ANKHD1: variants seen among roughly 807,000 people sequenced by gnomAD.
ANKHD1 encodes the protein ankyrin repeat and KH domain-containing protein 1.
A neutral mutation model predicts 230.5 loss-of-function variants in ANKHD1; 31 were observed. The ratio of observed to expected loss-of-function variants is 0.13; its 90% CI spans 0.10 to 0.18. The LOEUF (loss-of-function observed/expected upper bound fraction) is 0.18, where lower values mean the gene tolerates loss of function less well. ANKHD1 is among the 10% of genes least tolerant of loss of function. The pLI, the probability that ANKHD1 is intolerant of heterozygous loss-of-function variation, is 1.00. For missense variants in ANKHD1, 2,256 were observed against 3,071.3 expected (o/e 0.73, Z 6.27); for synonymous variants, 1,074 against 1,117.6 (o/e 0.96, Z 0.78).
intron 1 of ANKHD1, among the ~76,000 whole-genome samples, chr5:140,407,174 A>G (rs1365403369): frequency 6.6e-6 from 1 of 151,572 alleles, no homozygotes; most frequent in Non-Finnish European, 1.5e-5. Flanking sequence ...CGCACCTGCA[A>G]TCTCAGCCTA....
intron 10 of ANKHD1, among the ~76,000 whole-genome samples, chr5:140,480,132 GAC>G (rs202147488): frequency 2.8e-3 from 426 of 152,016 alleles, no homozygotes; most frequent in African/African-American, 9.5e-3. Flanking sequence ...TTCATTTTAA[GAC>G]ACAAAATGTT....
At chr5:140,516,728 G>C (rs1335369787) in intron 24 of ANKHD1, among the ~76,000 whole-genome samples, 2 of 151,682 alleles carry the variant, frequency 1.3e-5, no homozygotes, top group South Asian at 2.1e-4. Flanking sequence ...ACTTTACAGA[G>C]AAGCAAATGC....
intron 10 of ANKHD1, among the ~76,000 whole-genome samples, chr5:140,472,884 G>T (rs908134760): frequency 6.6e-6 from 1 of 152,046 alleles, no homozygotes; most frequent in African/African-American, 2.4e-5. Context: ...GTGTGAATTT[G>T]TGCCCAGTGG....
Position 140,453,093 on chromosome 5 carries a change from C to A in ANKHD1, c.1242+3788C>A, listed in dbSNP as rs918071372. ...AATGCACAAGCCTCAGTAGCCGATT[C>A]GATCAACTGGAAGAAAGGGTATCAG... On this transcript the variant is annotated intron_variant, in intron 7 of 33. Transcript: ENST00000360839. Among the ~76,000 whole-genome samples, 8 of 152,140 alleles carry A rather than the reference C, an allele frequency of 5.3e-5. No homozygotes were observed. The East Asian group carries it at 1.5e-3, about 29-fold the overall frequency.
At chr5:140,471,439 G>A (rs1561773101) in intron 10 of ANKHD1, among the ~76,000 whole-genome samples, 1 of 152,166 alleles carries the variant, frequency 6.6e-6, no homozygotes, top group African/African-American at 2.4e-5. Context: ...ATAGGGGTAA[G>A]GTGGCAGGGA....
chr5:140,448,022 C>A lies in ANKHD1; in HGVS notation c.1148-1189C>A, dbSNP rs535678072. Among the ~76,000 whole-genome samples the A allele has an allele frequency of 1.9e-4, 29 of 152,258 alleles. 1 individual carries two copies. Among genetic ancestry groups the A allele is most frequent in the Non-Finnish European group, 3.7e-4 (25 of 68,016 alleles). On this transcript the variant is annotated intron_variant, in intron 6 of 33. Transcript: ENST00000360839. ...AGAATGCTGGGTGCAGTAACTCACA[C>A]CTATAATCCCAGCATTTTGGGAGGC...
At chr5:140,444,817 C>G (rs191068197) in intron 5 of ANKHD1, among the ~76,000 whole-genome samples, 1 of 152,256 alleles carries the variant, frequency 6.6e-6, no homozygotes, top group East Asian at 1.9e-4. Context: ...TTGGAGTCCC[C>G]TCAGTTATTC....
rs542858619 is a variant in ANKHD1 at position 140,529,353 on chromosome 5, G to A, written c.6407G>A (p.Arg2136Gln). The A allele has an allele frequency of 1.9e-5, 31 of 1,614,016 alleles. No individual in the cohort carries two copies. Among genetic ancestry groups the A allele is most frequent in the Middle Eastern group, 3.3e-4 (2 of 6,084 alleles). ...GTACCAGCACCTCGAGTTTCTCATCGAATGCAGCCCAGAGGTTCTTTTTAC... is the reference window on the plus strand; with the variant it reads ...GTACCAGCACCTCGAGTTTCTCATCAAATGCAGCCCAGAGGTTCTTTTTAC... ...LAVPAPRVSH[R>Q]MQPRGSFYSM... The change falls in exon 29 of 34, where the codon CGA becomes CAA. Residue 2136 changes from arginine (R) to glutamine (Q), a missense_variant. Around this residue, in one of 13 missense-constraint regions of ANKHD1, gnomAD observed 778 missense variants for 966.5 expected, o/e 0.80. Coordinates refer to ENST00000360839, the MANE Select transcript of ANKHD1 (RefSeq NM_017747.3).
chr5:140,438,881 T>A (rs950522057), intron 3 of ANKHD1, among the ~76,000 whole-genome samples: 2 of 152,242 alleles, frequency 1.3e-5, no homozygotes, highest in African/African-American at 4.8e-5. Context: ...CTGAATAAGA[T>A]CTGTTTTCCA....
intron 1 of ANKHD1, among the ~76,000 whole-genome samples, chr5:140,430,850 A>G (rs775890062): frequency 4.6e-5 from 7 of 151,970 alleles, no homozygotes; most frequent in African/African-American, 1.5e-4. Context: ...TTTTTCGTAG[A>G]GACAAGGTCT....
intron 2 of ANKHD1, among the ~76,000 whole-genome samples, chr5:140,438,022 G>T (rs1773580045): frequency 6.6e-6 from 1 of 152,140 alleles, no homozygotes; most frequent in Non-Finnish European, 1.5e-5. Flanking sequence ...CCAGAAGATG[G>T]TTGTGACCAA....
chr5:140,478,995 T>TTTAATTTA (rs146941318), intron 10 of ANKHD1, among the ~76,000 whole-genome samples: 43 of 146,442 alleles, frequency 2.9e-4, no homozygotes, highest in Admixed American at 7.5e-4. Context: ...TTTTTTTAAT[T>TTTAATTTA]TTTATTTATT....
rs1205726942 is a variant in ANKHD1 at position 140,470,092 on chromosome 5, C to T, written c.1782+5316C>T. ...TTCTTTCCCCTCAAAATTTTAAACCCACTATATTAGTGTCTTCTGGTACTG... is the reference window on the plus strand; with the variant it reads ...TTCTTTCCCCTCAAAATTTTAAACCTACTATATTAGTGTCTTCTGGTACTG... On this transcript the variant is annotated intron_variant, in intron 10 of 33. Coordinates refer to ENST00000360839, the MANE Select transcript of ANKHD1 (RefSeq NM_017747.3). Among the ~76,000 whole-genome samples, 51 of 152,066 alleles carry T rather than the reference C, an allele frequency of 3.4e-4. 1 individual carries two copies. The highest frequency in any genetic ancestry group is 1.5e-5 in the Non-Finnish European group (1 of 67,958).
chr5:140,420,350 A>G (rs929772523), intron 1 of ANKHD1, among the ~76,000 whole-genome samples: 7 of 151,940 alleles, frequency 4.6e-5, no homozygotes, highest in African/African-American at 1.5e-4. Flanking sequence ...CAATTTATAT[A>G]TTTATCTTTT....
chr5:140,425,340 G>A (rs990925467), intron 1 of ANKHD1, among the ~76,000 whole-genome samples: 3 of 151,998 alleles, frequency 2.0e-5, no homozygotes, highest in Non-Finnish European at 2.9e-5. Flanking sequence ...GGCTCATGCA[G>A]CCTCTACCTT....
intron 24 of ANKHD1, among the ~76,000 whole-genome samples, chr5:140,514,108 C>G (rs1752879528): frequency 6.6e-6 from 1 of 151,208 alleles, no homozygotes; most frequent in Non-Finnish European, 1.5e-5. Flanking sequence ...TCACTTGAGT[C>G]CAGGAGTTCG....
chr5:140,526,890 CTTATCTT>C, intron 26 of ANKHD1, 31 bp from the exon 27 acceptor site: 1 of 1,580,952 alleles, frequency 6.3e-7, no homozygotes, highest in Non-Finnish European at 8.6e-7. Flanking sequence ...TATCTTAAAA[CTTATCTT>C]TTATTGTACT....
intron 24 of ANKHD1, among the ~76,000 whole-genome samples, chr5:140,516,026 G>T (rs1011446034): frequency 1.3e-5 from 2 of 151,998 alleles, no homozygotes; most frequent in Non-Finnish European, 2.9e-5. Context: ...CAAACCAAAG[G>T]CAAAGAAGTT....
intron 1 of ANKHD1, among the ~76,000 whole-genome samples, chr5:140,423,078 T>A (rs1308026405): frequency 6.6e-6 from 1 of 151,620 alleles, no homozygotes; most frequent in Non-Finnish European, 1.5e-5. Flanking sequence ...TTTAAAATAT[T>A]TTTTGGTGGA....
Sources: allele counts gnomAD v4.1 joint callset (sites outside exome capture counted in the v4.1 genomes callset), GRCh38; gene constraint gnomAD v4.1.1; regional missense constraint gnomAD v4.1.1; transcripts MANE v1.5; gene names NCBI Gene and HGNC (gene_info 2026-07-23, HGNC 2026-07-21).